The following PHF24 variants were observed in gnomAD, a reference collection of about 807,000 sequenced individuals.
PHF24 encodes Galpha inhibitory interacting protein.
Under a neutral mutation model 42.6 loss-of-function variants are expected in PHF24, and 25 were observed. That is an observed-to-expected ratio of 0.59 (90% CI 0.43 to 0.82). The LOEUF is 0.82. PHF24 is among the 40% of genes least tolerant of loss of function. The pLI, the probability that PHF24 is intolerant of heterozygous loss-of-function variation, is 0.00. For missense variants in PHF24, 470 were observed against 538.1 expected, an observed-to-expected ratio of 0.87 and a Z score of 1.25; for synonymous variants, 185 against 204.8, an observed-to-expected ratio of 0.90 and a Z score of 0.83.
chr9:34,672,010 A>G, the PHF24 span, among the ~76,000 whole-genome samples: 1 of 152,106 alleles, frequency 6.6e-6, no homozygotes. Flanking sequence ...TCTCTCAGTT[A>G]TGGTAATAAT....
the PHF24 span, among the ~76,000 whole-genome samples, chr9:34,736,713 A>T: frequency 9.9e-5 from 15 of 152,248 alleles, no homozygotes; most frequent in Non-Finnish European, 2.9e-5. Context: ...TATTATTTGA[A>T]CTGCTGACAA....
chr9:34,731,803 G>A, the PHF24 span, among the ~76,000 whole-genome samples: 291 of 152,136 alleles, frequency 1.9e-3, no homozygotes, highest in African/African-American at 6.7e-3. Flanking sequence ...GTTATTGGTT[G>A]TATACCTAGC....
chr9:34,835,623 G>C, the PHF24 span: 32 of 1,551,564 alleles, frequency 2.1e-5, no homozygotes, highest in South Asian at 1.3e-4. Context: ...CCCTTGGCTT[G>C]TCAAGCCTTG....
chr9:34,835,379 C>A, the PHF24 span: 1 of 1,550,422 alleles, frequency 6.4e-7, no homozygotes, highest in Non-Finnish European at 8.7e-7. Context: ...TGGGAGCCCC[C>A]ACCTCTGGAA....
the PHF24 span, among the ~76,000 whole-genome samples, chr9:34,694,974 C>T: frequency 1.3e-5 from 2 of 152,272 alleles, no homozygotes; most frequent in Admixed American, 1.3e-4. Flanking sequence ...TGACATATAG[C>T]TCCTAAAATC....
At chr9:34,828,678 T>A in the PHF24 span, among the ~76,000 whole-genome samples, 1 of 152,176 alleles carries the variant, frequency 6.6e-6, no homozygotes, top group African/African-American at 2.4e-5. Context: ...GCTTGACTAG[T>A]TGGCAACTGG....
chr9:34,826,092 C>T, the PHF24 span, among the ~76,000 whole-genome samples: 2 of 152,058 alleles, frequency 1.3e-5, no homozygotes, highest in Non-Finnish European at 2.9e-5. Flanking sequence ...TGGCAGCACC[C>T]ACCCCTCCTT....
chr9:34,862,051 T>G, the PHF24 span, among the ~76,000 whole-genome samples: 3 of 152,310 alleles, frequency 2.0e-5, no homozygotes, highest in Middle Eastern at 3.4e-3. Context: ...TACTGCCAAC[T>G]TCTTGCTGTG....
At chr9:34,951,099 C>T in the PHF24 span, among the ~76,000 whole-genome samples, 5,219 of 152,188 alleles carry the variant, frequency 0.034, 254 homozygotes, top group African/African-American at 0.11. Flanking sequence ...AACAAATTAC[C>T]GCAAACATAG....
At chr9:34,976,881 A>C in intron 5 of PHF24, 141 bp downstream of exon 5, 1 of 907,710 alleles carries the variant, frequency 1.1e-6, no homozygotes, top group Non-Finnish European at 1.7e-6. Context: ...ATCCAGTGAC[A>C]GATGATCTGG....
the PHF24 span, among the ~76,000 whole-genome samples, chr9:34,804,089 AG>A: frequency 2.6e-5 from 4 of 152,298 alleles, no homozygotes; most frequent in African/African-American, 9.6e-5. Flanking sequence ...GAGAGACCCA[AG>A]GTTGCAAAGA....
chr9:34,824,389 A>T, the PHF24 span, among the ~76,000 whole-genome samples: 1 of 152,354 alleles, frequency 6.6e-6, no homozygotes, highest in African/African-American at 2.4e-5. Flanking sequence ...TGTGCCTAGC[A>T]TAGATGTATG....
the PHF24 span, chr9:34,835,849 T>A: frequency 7.7e-7 from 1 of 1,291,748 alleles, no homozygotes; most frequent in Non-Finnish European, 1.1e-6. Flanking sequence ...CTCTATACTC[T>A]GCTCAAAGGA....
At chr9:34,972,806 C>A (rs1008953096) in intron 3 of PHF24, among the ~76,000 whole-genome samples, 5 of 148,062 alleles carry the variant, frequency 3.4e-5, no homozygotes, top group African/African-American at 9.9e-5. Context: ...CCCAGCTACT[C>A]GGGAGGCTGA....
At chr9:34,728,552 G>A in the PHF24 span, 2 of 1,513,608 alleles carry the variant, frequency 1.3e-6, no homozygotes, top group Non-Finnish European at 1.8e-6. Context: ...CAGAGGGACA[G>A]GATTCATGGG....
the PHF24 span, among the ~76,000 whole-genome samples, chr9:34,685,541 T>C: frequency 6.6e-6 from 1 of 152,208 alleles, no homozygotes; most frequent in South Asian, 2.1e-4. Flanking sequence ...GCTGAGCTTT[T>C]CTACCCCAAC....
At chr9:34,826,554 A>G in the PHF24 span, among the ~76,000 whole-genome samples, 3 of 152,198 alleles carry the variant, frequency 2.0e-5, no homozygotes, top group Non-Finnish European at 4.4e-5. Flanking sequence ...TGCAGTGAGC[A>G]GGTATAGAAG....
the PHF24 span, among the ~76,000 whole-genome samples, chr9:34,914,256 A>G: frequency 6.6e-6 from 1 of 152,158 alleles, no homozygotes; most frequent in Non-Finnish European, 1.5e-5. Flanking sequence ...ATGTGTTTAA[A>G]TTTACCTGGA....
At chr9:34,694,136 C>T in the PHF24 span, among the ~76,000 whole-genome samples, 1 of 149,622 alleles carries the variant, frequency 6.7e-6, no homozygotes, top group African/African-American at 2.5e-5. Flanking sequence ...GGGTTGCCTC[C>T]CTTCCACGGG....
Sources: allele counts gnomAD v4.1 joint callset (sites outside exome capture counted in the v4.1 genomes callset), GRCh38; gene constraint gnomAD v4.1.1; transcripts MANE v1.5; gene names NCBI Gene and HGNC (gene_info 2026-07-23, HGNC 2026-07-21).